SLC12A5: variants seen among roughly 807,000 people sequenced by gnomAD.
SLC12A5 encodes solute carrier family 12 member 5.
SLC12A5 carries 18 observed loss-of-function variants against 124.0 expected under a neutral mutation model. That is an observed-to-expected ratio of 0.15 (90% CI 0.10 to 0.22). SLC12A5 has a LOEUF of 0.22. Among genes scored for constraint, SLC12A5 ranks in the 10% least tolerant of loss-of-function variants. SLC12A5 has a pLI of 1.00. For synonymous variants in SLC12A5, 589 were observed against 568.0 expected, an observed-to-expected ratio of 1.04 and a Z score of -0.53; for missense variants, 867 against 1,478.7, an observed-to-expected ratio of 0.59 and a Z score of 6.78.
intron 15 of SLC12A5, 88 bp downstream of exon 15, chr20:46,047,661 G>A (rs1428881322): frequency 2.0e-6 from 3 of 1,514,332 alleles, no homozygotes; most frequent in African/African-American, 2.7e-5. Context: ...GGATTGGGGT[G>A]GTGGGGGTGA....
chr20:46,026,512 G>A (rs539213426), upstream of SLC12A5, among the ~76,000 whole-genome samples: 9 of 152,226 alleles, frequency 5.9e-5, no homozygotes, highest in Non-Finnish European at 1.3e-4. Context: ...CCAGAATAGG[G>A]CACAGTCTTC....
intron 1 of SLC12A5, among the ~76,000 whole-genome samples, chr20:46,022,415 AG>A (rs1419581982): frequency 3.6e-5 from 1 of 27,698 alleles, no homozygotes; most frequent in African/African-American, 1.5e-4. Flanking sequence ...GGGGCCTGGG[AG>A]GGGGGTGGGG....
rs201525976 is a variant in SLC12A5, at chr20:46,051,869, T to C, written c.2376T>C (p.Ile792=). The part of the protein sequence containing the change: ...KEDHQTWRNF[I]ELVRETTAGH... ...ATCATCAGACGTGGAGGAACTTCAT[T>C]GGTAACGCTATTGGGGGCTGGGGAC... Residue 792 remains isoleucine (I), a splice_region_variant and synonymous_variant, in exon 18 of 26, where the codon ATT becomes ATC. Transcript: ENST00000243964. 239 of 1,208,122 alleles carry C rather than the reference T, an allele frequency of 2.0e-4. 1 individual carries two copies. The African/African-American group carries it at 2.4e-3, about 12-fold the overall frequency. The allele number at this position is 1,208,122 out of a possible 1,614,324, so 74.8% of individuals were successfully genotyped here.
rs1473512159 is a variant in SLC12A5, at chr20:46,043,201, G to T, written c.1115G>T (p.Ser372Ile). 7 of 1,613,924 alleles carry T rather than the reference G, an allele frequency of 4.3e-6. No individual in the cohort carries two copies. The change falls in exon 9 of 26, where the codon AGT becomes ATT. Residue 372 changes from serine to isoleucine, a missense_variant. Physicochemically the swap from Ser to Ile is moderately radical, Grantham distance 142 (BLOSUM62 -2). Around this residue, in one of 9 missense-constraint regions of SLC12A5, gnomAD observed 127 missense variants for 164.1 expected, o/e 0.77. Coordinates refer to ENST00000243964, the MANE Select transcript of SLC12A5 (RefSeq NM_020708.5). ...YLTKGVIVERSGMTSVGLADG... is the reference protein window; with the variant it reads ...YLTKGVIVERIGMTSVGLADG... The stretch of plus-strand genomic sequence containing the variant: ...ACCAAGGGCGTGATTGTGGAGAGGA[G>T]TGGGATGACCTCGGTGGGCCTGGCC...
At position 46,046,418 on chromosome 20, in the gene SLC12A5, G is replaced by A. The variant is rs547326805; in HGVS notation, c.1769G>A (p.Arg590His). 4 of 1,614,098 alleles carry A rather than the reference G, an allele frequency of 2.5e-6. No homozygotes were observed. Among genetic ancestry groups the A allele is most frequent in the Non-Finnish European group, 2.5e-6 (3 of 1,180,008 alleles). Residue 590 changes from arginine (R) to histidine (H), a missense_variant, in exon 14 of 26, where the codon CGC (arginine) becomes CAC (histidine). Around this residue, in one of 9 missense-constraint regions of SLC12A5, gnomAD observed 152 missense variants for 358.7 expected, o/e 0.42. Transcript: ENST00000243964. ...CTGAGGACACCCAACTGGAGGCCAC[G>A]CTTTCGATATTACCACTGGTGGGTG... ...TLLRTPNWRP[R>H]FRYYHWTLSF... is the part of the protein sequence containing the mutation.
chr20:46,056,638 A>G lies in SLC12A5; in HGVS notation c.3110+74A>G. On this transcript the variant is annotated intron_variant, in intron 23 of 25. Coordinates refer to ENST00000243964, the MANE Select transcript of SLC12A5 (RefSeq NM_020708.5). The surrounding 1 kb of genome is among the most constrained non-coding windows in gnomAD (Gnocchi z 4.3). Reference sequence around the variant, plus strand: ...CTTGCTCCCCATGGCAGAGCAAGAGAGCAGAAGGCATCCTGGTCTGTCAGC... The same window carrying G: ...CTTGCTCCCCATGGCAGAGCAAGAGGGCAGAAGGCATCCTGGTCTGTCAGC... The G allele has an allele frequency of 6.8e-7, 1 of 1,470,890 alleles. No individual in the cohort carries two copies. 91.1% of individuals were successfully genotyped at this position (1,470,890 alleles called of 1,614,324 possible).
At position 46,049,755 on chromosome 20, in the gene SLC12A5, C is replaced by A; in HGVS notation, c.2146C>A (p.Leu716Met). ...GGGCTCTGTCCTTGAGGGCACCTTT[C>A]TGGAAAATCATCCACAGGCCCAGCG... ...IVGSVLEGTFLENHPQAQRAE... is the reference protein window; with the variant it reads ...IVGSVLEGTFMENHPQAQRAE... Residue 716 changes from leucine to methionine, a missense_variant, in exon 17 of 26, where the codon CTG becomes ATG. Around this residue, in one of 9 missense-constraint regions of SLC12A5, gnomAD observed 110 missense variants for 149.9 expected, o/e 0.73. Coordinates refer to ENST00000243964, the MANE Select transcript of SLC12A5 (RefSeq NM_020708.5). The A allele has an allele frequency of 6.2e-7, 1 of 1,602,354 alleles. No individual in the cohort carries two copies. Among genetic ancestry groups the A allele is most frequent in the South Asian group, 1.1e-5 (1 of 88,150 alleles).
In SLC12A5 at chr20:46,054,913, C is replaced by T. The variant is rs141933171; in HGVS notation, c.2680-3C>T. 1.1e-4 allele frequency: 180 copies of T among 1,612,432 alleles called. No individual in the cohort carries two copies. The African/African-American group carries it at 2.3e-3, about 20-fold the overall frequency. On this transcript the variant is annotated splice_region_variant and splice_polypyrimidine_tract_variant and intron_variant, in intron 20 of 25. Transcript: ENST00000243964. ...CCCAACCCCAACCTCTGTCTGCCCA[C>T]AGCATGAGAGCGACATCTCAGCTTA...
chr20:46,034,890 C>T, intron 1 of SLC12A5, 58 bp from the exon 2 acceptor site: 1 of 1,512,356 alleles, frequency 6.6e-7, no homozygotes, highest in Non-Finnish European at 9.2e-7. Context: ...CACTGTATGC[C>T]CAGGTGGTTG....
At chr20:46,047,650 G>C in intron 15 of SLC12A5, 77 bp downstream of exon 15, 1 of 1,549,788 alleles carries the variant, frequency 6.5e-7, no homozygotes, top group Non-Finnish European at 8.8e-7. Flanking sequence ...GGGGTCATGA[G>C]GGATTGGGGT....
intron 20 of SLC12A5, among the ~76,000 whole-genome samples, chr20:46,054,506 G>A (rs955371924): frequency 2.0e-5 from 3 of 152,158 alleles, no homozygotes; most frequent in African/African-American, 7.2e-5. Context: ...CCATCCCTCT[G>A]TGTTTTCATT....
chr20:46,053,485 G>A lies in SLC12A5; in HGVS notation c.2548-93G>A. The A allele has an allele frequency of 6.5e-7, 1 of 1,535,302 alleles. No individual in the cohort carries two copies. Reference sequence around the variant, plus strand: ...TGCATGTATGTGTGAGGAGTGGGTGGGAAGAGGGGAAGGGTGAGCGGACAG... The same window carrying A: ...TGCATGTATGTGTGAGGAGTGGGTGAGAAGAGGGGAAGGGTGAGCGGACAG... On this transcript the variant is annotated intron_variant, in intron 19 of 25. Transcript: ENST00000243964. This position sits in a 1 kb window ranked among gnomAD's most constrained non-coding sequence, Gnocchi z 4.7.
At chr20:46,021,815 G>C, upstream of SLC12A5, 1 of 1,534,608 alleles carries the variant, frequency 6.5e-7, no homozygotes, top group Non-Finnish European at 8.7e-7. Context: ...GGGCCCGCCA[G>C]AAGCCCTGAC....
In SLC12A5 at chr20:46,053,061, G is replaced by A. The variant is rs745380226; in HGVS notation, c.2482G>A (p.Val828Ile). 2.5e-6 allele frequency: 4 copies of A among 1,614,208 alleles called. No homozygotes were observed. Among genetic ancestry groups the A allele is most frequent in the African/African-American group, 1.3e-5 (1 of 75,066 alleles). ...GCGCTTCTCTGAGGGCAGCATCGACGTTTGGTGGATTGTGCACGATGGAGG... is the reference window on the plus strand; with the variant it reads ...GCGCTTCTCTGAGGGCAGCATCGACATTTGGTGGATTGTGCACGATGGAGG... ...PERFSEGSID[V>I]WWIVHDGGML... is the part of the protein sequence containing the mutation. The change falls in exon 19 of 26, where the codon GTT (valine) becomes ATT (isoleucine). Residue 828 changes from valine (V) to isoleucine (I), a missense_variant. Transcript: ENST00000243964. This position sits in a 1 kb window ranked among gnomAD's most constrained non-coding sequence, Gnocchi z 4.7.
chr20:46,023,737 G>A, downstream of SLC12A5: 1 of 290,840 alleles, frequency 3.4e-6, no homozygotes, highest in East Asian at 5.4e-5. Context: ...CCCACCCACT[G>A]CACCCTTAGT....
rs2084538915 is a variant in SLC12A5 at position 46,040,774 on chromosome 20, G to A, written c.854+160G>A. On this transcript the variant is annotated intron_variant, in intron 7 of 25. Transcript: ENST00000243964. The stretch of plus-strand genomic sequence containing the variant: ...AGGGAAAATCTCTCTTAGTTTGGGG[G>A]CAATCTCTTCAGAGTGAGGTAACTT... 5 of 1,172,138 alleles carry A rather than the reference G, an allele frequency of 4.3e-6. No individual in the cohort carries two copies. The South Asian group carries it at 4.9e-5, about 11-fold the overall frequency. The allele number at this position is 1,172,138 out of a possible 1,614,324, so 72.6% of individuals were successfully genotyped here.
intron 15 of SLC12A5, 152 bp downstream of exon 15, chr20:46,047,725 T>C (rs1245034481): frequency 1.0e-6 from 1 of 993,252 alleles, no homozygotes; most frequent in Admixed American, 2.7e-5. Context: ...GAGGGTGATA[T>C]GGGATGACAT....
At chr20:46,046,053 C>T (rs2084592405) in intron 13 of SLC12A5, 57 bp downstream of exon 13, 1 of 1,528,196 alleles carries the variant, frequency 6.5e-7, no homozygotes, top group Non-Finnish European at 9.1e-7. Context: ...CTATCTGAAT[C>T]CTGCAGCCGT....
chr20:46,043,148 C>G lies in SLC12A5; in HGVS notation c.1067-5C>G. 6.2e-7 allele frequency: 1 copy of G among 1,613,254 alleles called. No homozygotes were observed. The highest frequency in any genetic ancestry group is 8.5e-7 in the Non-Finnish European group (1 of 1,179,422). On this transcript the variant is annotated splice_polypyrimidine_tract_variant and splice_region_variant and intron_variant, in intron 8 of 25. Transcript: ENST00000243964. Reference sequence around the variant, plus strand: ...CCTCCCCCTGAGCATTCTGTCTCCCCACAGAGAACCTCTGGAGCTCCTACC... The same window carrying G: ...CCTCCCCCTGAGCATTCTGTCTCCCGACAGAGAACCTCTGGAGCTCCTACC...
Sources: gnomAD v4.1 joint callset for allele counts (sites outside exome capture counted in the v4.1 genomes callset) on GRCh38, gnomAD v4.1.1 for gene constraint, gnomAD v4.1.1 regional missense constraint, Gnocchi (gnomAD v3.1) non-coding constraint, MANE v1.5 for transcripts, NCBI Gene and HGNC (gene_info 2026-07-23, HGNC 2026-07-21) for gene names.